The following SAR1A variants were observed in gnomAD, a reference collection of about 807,000 sequenced individuals.
SAR1A encodes the protein secretion associated Ras related GTPase 1A, also known as small COPII coat GTPase SAR1A.
In SAR1A, 6 loss-of-function variants were observed where a neutral mutation model predicts 22.6. The ratio of observed to expected loss-of-function variants is 0.27; its 90% confidence interval spans 0.15 to 0.52. The LOEUF is 0.52. Ranked by LOEUF, SAR1A falls within the 20% of genes least tolerant of loss-of-function variation. SAR1A has a pLI of 0.96. For synonymous variants in SAR1A, 70 were observed against 82.2 expected (o/e 0.85, Z 0.80); for missense variants, 145 against 245.1 (o/e 0.59, Z 2.73).
At position 70,161,034 on chromosome 10, in the gene SAR1A, T is replaced by C; in HGVS notation, c.214A>G (p.Thr72Ala). 6.2e-7 allele frequency: 1 copy of C among 1,612,862 alleles called. No individual in the cohort carries two copies. Among genetic ancestry groups the C allele is most frequent in the Non-Finnish European group, 8.5e-7 (1 of 1,179,338 alleles). The part of the protein sequence containing the change: ...EELTIAGMTF[T>A]TFDLGGHEQA... ...TCGTGCCCACCAAGATCAAAAGTTGTAAAGGTCATTCCAGCAATTGTTAGC... is the reference window on the plus strand; with the variant it reads ...TCGTGCCCACCAAGATCAAAAGTTGCAAAGGTCATTCCAGCAATTGTTAGC... The change falls in exon 4 of 7, where the codon ACA becomes GCA. Residue 72 changes from threonine (T) to alanine (A), a missense_variant. Coordinates refer to ENST00000373241, the MANE Select transcript of SAR1A (RefSeq NM_020150.5).
intron 3 of SAR1A, 53 bp from the exon 4 acceptor site, chr10:70,161,122 A>G: frequency 8.1e-7 from 1 of 1,232,286 alleles, no homozygotes. Flanking sequence ...ACAACCCCCA[A>G]CTACTAGTAC....
At chr10:70,154,017 G>GA (rs1839357746) in intron 5 of SAR1A, 48 bp from the exon 6 acceptor site, 1 of 1,436,516 alleles carries the variant, frequency 7.0e-7, no homozygotes, top group African/African-American at 1.5e-5. Flanking sequence ...ATTAAGTGAG[G>GA]AATCTACAAA....
intron 1 of SAR1A, among the ~76,000 whole-genome samples, chr10:70,163,415 G>A (rs1274368312): frequency 1.3e-5 from 2 of 152,200 alleles, no homozygotes; most frequent in African/African-American, 2.4e-5. Context: ...AGATGTCATT[G>A]CTTGGCTTCA....
chr10:70,152,187 T>C lies in SAR1A; in HGVS notation c.*289A>G, dbSNP rs1839333723. On this transcript the variant is annotated 3_prime_UTR_variant, in exon 7 of 7. Coordinates refer to ENST00000373241, the MANE Select transcript of SAR1A (RefSeq NM_020150.5). ...CAACCACAGTGGTGAGACGTGTTTT[T>C]CTTTTCAGGTGCCCCATGATGGCAT... is the stretch of plus-strand genomic sequence containing the variant. 1 of 448,124 alleles carries C rather than the reference T, an allele frequency of 2.2e-6. No homozygotes were observed. Among genetic ancestry groups the C allele is most frequent in the East Asian group, 5.0e-5 (1 of 20,120 alleles). 27.8% of individuals were successfully genotyped at this position (448,124 alleles called of 1,614,324 possible). A position where few individuals can be genotyped will look rare whatever the true frequency, so the allele number is the denominator to read the frequency against.
rs1411729077 is a variant in SAR1A at position 70,147,477 on chromosome 10, T to C, written c.*4999A>G. The C allele has an allele frequency of 6.6e-6, 1 of 152,196 alleles. No homozygotes were observed. Among genetic ancestry groups the C allele is most frequent in the Non-Finnish European group, 1.5e-5 (1 of 68,018 alleles). 9.4% of individuals were successfully genotyped at this position (152,196 alleles called of 1,614,324 possible). On this transcript the variant is annotated 3_prime_UTR_variant, in exon 7 of 7. Coordinates refer to ENST00000373241, the MANE Select transcript of SAR1A (RefSeq NM_020150.5). ...AATAGTCAACTCTGCAGCTGTTGCA[T>C]ACAAAAGCTAAAGGAATGGCGGTGG...
intron 5 of SAR1A, among the ~76,000 whole-genome samples, chr10:70,157,220 T>A (rs1299862899): frequency 6.6e-6 from 1 of 151,922 alleles, no homozygotes; most frequent in African/African-American, 2.4e-5. Context: ...CTGACTAACA[T>A]GGTGAAACTC....
chr10:70,162,602 T>C (rs1378285217), intron 1 of SAR1A: 1 of 152,056 alleles, frequency 6.6e-6, no homozygotes, highest in Non-Finnish European at 1.5e-5. Context: ...GAGTCTAGAA[T>C]CCTTATATGT....
In SAR1A at chr10:70,153,075, TA is replaced by T. The variant is rs1231814767; in HGVS notation, c.481-484del. Among the ~76,000 whole-genome samples, 5 of 152,186 alleles carry T rather than the reference TA, an allele frequency of 3.3e-5. No individual in the cohort carries two copies. In the East Asian group the frequency reaches 9.6e-4, roughly 29 times the overall value. ...TTAAATGAAAGAAAGGAAGTATTTC[TA>T]TAAAGAAACCGATAATCAAGAAGAG... On this transcript the variant is annotated intron_variant, in intron 6 of 6. Transcript: ENST00000373241.
Position 70,152,342 on chromosome 10 carries a change from G to A in SAR1A, c.*134C>T. 2 of 910,034 alleles carry A rather than the reference G, an allele frequency of 2.2e-6. No homozygotes were observed. Among genetic ancestry groups the A allele is most frequent in the Non-Finnish European group, 3.5e-6 (2 of 572,658 alleles). The allele number at this position is 910,034 out of a possible 1,614,324, so 56.4% of individuals were successfully genotyped here. On this transcript the variant is annotated 3_prime_UTR_variant, in exon 7 of 7. Transcript: ENST00000373241. The stretch of plus-strand genomic sequence containing the variant: ...GTCACCACTGGGCAATGAGAGAGTT[G>A]ACAGAGACTCTTGGCTTCTCAACGC...
In SAR1A at chr10:70,161,866, T is replaced by C. The variant is rs576187998; in HGVS notation, c.50A>G (p.Gln17Arg). 1.2e-5 allele frequency: 19 copies of C among 1,613,426 alleles called. No individual in the cohort carries two copies. In the Middle Eastern group the frequency reaches 9.0e-4, roughly 77 times the overall value. The stretch of plus-strand genomic sequence containing the variant: ...CAAGGAAATGGCTTTACCTAGGAAC[T>C]GGAGCACACTGCTGAAGCCATTGTA... ...WIYNGFSSVL[Q>R]FLGLYKKSGK... The change falls in exon 2 of 7, where the codon CAG (glutamine) becomes CGG (arginine). Residue 17 changes from glutamine (Q) to arginine (R), a missense_variant. Gln to Arg is a conservative substitution (Grantham distance 43). Transcript: ENST00000373241.
rs1188599033 is a variant in SAR1A, at chr10:70,149,582, G to A, written c.*2894C>T. On this transcript the variant is annotated 3_prime_UTR_variant, in exon 7 of 7. Coordinates refer to ENST00000373241, the MANE Select transcript of SAR1A (RefSeq NM_020150.5). ...TTTTTTTTTTTTTGAGCTAGAGAGA[G>A]TCTTGCTCTGTCACCCAGGCAGGAG... 1.4e-5 allele frequency: 1 copy of A among 73,070 alleles called. No individual in the cohort carries two copies. The highest frequency in any genetic ancestry group is 1.8e-4 in the Admixed American group (1 of 5,434). The allele number at this position is 73,070 out of a possible 1,614,324, so 4.5% of individuals were successfully genotyped here.
At chr10:70,168,493 G>C (rs956745745) in intron 1 of SAR1A, among the ~76,000 whole-genome samples, 14 of 152,178 alleles carry the variant, frequency 9.2e-5, no homozygotes, top group Admixed American at 7.9e-4. Flanking sequence ...TCGGGAGGTT[G>C]AGGCAGGAGA....
At chr10:70,155,893 G>T (rs980957268) in intron 5 of SAR1A, among the ~76,000 whole-genome samples, 2 of 152,332 alleles carry the variant, frequency 1.3e-5, no homozygotes, top group Admixed American at 1.3e-4. Context: ...ATGATCCTAT[G>T]TGCTATGCAA....
intron 1 of SAR1A, among the ~76,000 whole-genome samples, chr10:70,167,094 C>T (rs1336469158): frequency 6.6e-6 from 1 of 152,164 alleles, no homozygotes; most frequent in East Asian, 1.9e-4. Flanking sequence ...ATTAACACTA[C>T]TTTTTCTATT....
rs1564567602 is a variant in SAR1A at position 70,149,546 on chromosome 10, G to GTTTTTTTTTTTTTTTT, written c.*2929_*2930insAAAAAAAAAAAAAAAA. 1 of 23,948 alleles carries GTTTTTTTTTTTTTTTT rather than the reference G, an allele frequency of 4.2e-5. No homozygotes were observed. Among genetic ancestry groups the GTTTTTTTTTTTTTTTT allele is most frequent in the African/African-American group, 1.6e-4 (1 of 6,402 alleles). The allele number at this position is 23,948 out of a possible 1,614,324, so 1.5% of individuals were successfully genotyped here. ...ATTTTGCCAAATGTAGCATTTAATT[G>GTTTTTTTTTTTTTTTT]ATTTTTTTTTTTTTTTTTTTTTTGA... On this transcript the variant is annotated 3_prime_UTR_variant, in exon 7 of 7. Coordinates refer to ENST00000373241, the MANE Select transcript of SAR1A (RefSeq NM_020150.5).
chr10:70,157,740 T>C (rs779022252), intron 5 of SAR1A, 24 bp downstream of exon 5: 8 of 1,552,394 alleles, frequency 5.2e-6, no homozygotes, highest in African/African-American at 1.4e-5. Flanking sequence ...TACATTAAAA[T>C]ACACATTAAA....
At chr10:70,158,087 G>C (rs544399990) in intron 4 of SAR1A, among the ~76,000 whole-genome samples, 35 of 152,272 alleles carry the variant, frequency 2.3e-4, no homozygotes, top group African/African-American at 8.2e-4. Context: ...CAGAGTTTCC[G>C]CTTTTTTTGA....
intron 4 of SAR1A, 136 bp from the exon 5 acceptor site, chr10:70,158,003 C>A: frequency 4.9e-6 from 3 of 613,046 alleles, no homozygotes; most frequent in Non-Finnish European, 8.6e-6. Context: ...CAAGTTCTGG[C>A]CAGTATTAAT....
rs1410703159 is a variant in SAR1A at position 70,150,938 on chromosome 10, T to C, written c.*1538A>G. On this transcript the variant is annotated 3_prime_UTR_variant, in exon 7 of 7. Coordinates refer to ENST00000373241, the MANE Select transcript of SAR1A (RefSeq NM_020150.5). Reference sequence around the variant, plus strand: ...CCAGTAATGTTATCCACATTTTCCCTACCCTCACATTAGAATAAAGACATC... The same window carrying C: ...CCAGTAATGTTATCCACATTTTCCCCACCCTCACATTAGAATAAAGACATC... 6.6e-6 allele frequency: 1 copy of C among 152,270 alleles called. No individual in the cohort carries two copies. The highest frequency in any genetic ancestry group is 1.5e-5 in the Non-Finnish European group (1 of 68,026). The allele number at this position is 152,270 out of a possible 1,614,324, so 9.4% of individuals were successfully genotyped here. A position where few individuals can be genotyped will look rare whatever the true frequency, so the allele number is the denominator to read the frequency against.
Sources: gnomAD v4.1 joint callset for allele counts (sites outside exome capture counted in the v4.1 genomes callset) on GRCh38, gnomAD v4.1.1 for gene constraint, MANE v1.5 for transcripts, NCBI Gene and HGNC (gene_info 2026-07-23, HGNC 2026-07-21) for gene names.